The following DNAAF11 variants were observed in gnomAD, a reference collection of about 807,000 sequenced individuals.
DNAAF11 encodes leucine rich repeat containing 6.
DNAAF11 carries 45 observed loss-of-function variants against 60.8 expected under a neutral mutation model. The observed-to-expected ratio is 0.74, with a 90% CI of 0.58 to 0.95. The LOEUF is 0.95. Among genes scored for constraint, DNAAF11 ranks in the 40% least tolerant of loss-of-function variants. The probability of loss-of-function intolerance (pLI) is 0.00; values close to 1 mark genes in which losing one functional copy is unlikely to be tolerated. For synonymous variants in DNAAF11, 191 were observed against 183.5 expected (o/e 1.04, Z -0.33); for missense variants, 546 against 546.2 (o/e 1.00, Z 0.00).
intron 1 of DNAAF11, among the ~76,000 whole-genome samples, chr8:132,670,853 A>T (rs1451985379): frequency 1.3e-5 from 2 of 152,248 alleles, no homozygotes; most frequent in Non-Finnish European, 2.9e-5. Flanking sequence ...TAACAAAGTG[A>T]TAATGTCAGT....
chr8:132,607,852 T>A (rs562067944), intron 10 of DNAAF11, among the ~76,000 whole-genome samples: 3 of 152,218 alleles, frequency 2.0e-5, no homozygotes, highest in Admixed American at 6.5e-5. Flanking sequence ...AGTTTCTTCA[T>A]CAACTTGTCT....
At chr8:132,652,706 C>CCA (rs1367337536) in intron 3 of DNAAF11, among the ~76,000 whole-genome samples, 9 of 152,224 alleles carry the variant, frequency 5.9e-5, no homozygotes, top group Admixed American at 3.9e-4. Flanking sequence ...AAACCAAACA[C>CCA]CACACGTTCT....
rs1445369972 is a variant in DNAAF11, at chr8:132,674,184, GAGGAGGAGGAGA to G, written c.10+1288_10+1299del. On this transcript the variant is annotated intron_variant, in intron 1 of 11. Coordinates refer to ENST00000620350, the MANE Select transcript of DNAAF11 (RefSeq NM_012472.6). ...GAAGGAGAAGGAGGAGGAGGAGAAG[GAGGAGGAGGAGA>G]AGGAGGAGGAGAAGGAGGAGGAGGA... 8.3e-3 allele frequency among the ~76,000 whole-genome samples: 1,216 copies of G among 146,730 alleles called. 74 individuals carry two copies. The highest frequency in any genetic ancestry group is 0.03 in the African/African-American group (1,129 of 38,182).
intron 8 of DNAAF11, among the ~76,000 whole-genome samples, chr8:132,613,345 G>C (rs1037761671): frequency 2.6e-5 from 4 of 152,198 alleles, no homozygotes; most frequent in African/African-American, 9.7e-5. Flanking sequence ...ATAGTATTTG[G>C]CCATAAAAAG....
intron 1 of DNAAF11, among the ~76,000 whole-genome samples, chr8:132,670,383 G>A (rs568797275): frequency 1.8e-3 from 276 of 152,172 alleles, no homozygotes; most frequent in African/African-American, 6.5e-3. Flanking sequence ...TCAATTAAAC[G>A]GGTGAATCCC....
At chr8:132,650,800 T>C (rs772713009) in intron 3 of DNAAF11, among the ~76,000 whole-genome samples, 6 of 152,190 alleles carry the variant, frequency 3.9e-5, no homozygotes, top group Admixed American at 2.6e-4. Flanking sequence ...TTTAATTACA[T>C]TTTTCTTTCA....
rs1820953351 is a variant in DNAAF11, at chr8:132,632,949, TTTACCATCCAA to T, written c.433_443del (p.Leu145ArgfsTer9). 6.2e-7 allele frequency: 1 copy of T among 1,611,508 alleles called. No homozygotes were observed. The highest frequency in any genetic ancestry group is 8.5e-7 in the Non-Finnish European group (1 of 1,178,222). ...TAATCCTTTCTGAAGGCTCTATTTCTTTACCATCCAACCACTTAAAGAAAAACAATAAATAT... is the reference window on the plus strand; with the variant it reads ...TAATCCTTTCTGAAGGCTCTATTTCTCCACTTAAAGAAAAACAATAAATAT... On this transcript the variant is annotated frameshift_variant, in exon 5 of 12. Transcript: ENST00000620350. LOFTEE classifies it high-confidence loss of function.
chr8:132,655,459 C>G (rs530076195), intron 3 of DNAAF11, among the ~76,000 whole-genome samples: 1 of 152,030 alleles, frequency 6.6e-6, no homozygotes, highest in Non-Finnish European at 1.5e-5. Context: ...AACAAACAAA[C>G]AAACTATAGA....
the DNAAF11 span, among the ~76,000 whole-genome samples, chr8:132,694,019 A>T: frequency 6.6e-6 from 1 of 152,206 alleles, no homozygotes; most frequent in African/African-American, 2.4e-5. Flanking sequence ...CACTGTGGCT[A>T]CTATGTTGAC....
intron 3 of DNAAF11, among the ~76,000 whole-genome samples, chr8:132,644,633 C>T (rs539376462): frequency 2.6e-4 from 39 of 152,320 alleles, no homozygotes; most frequent in African/African-American, 9.1e-4. Flanking sequence ...CACTCCCACC[C>T]TAATACTGTG....
chr8:132,642,094 G>T (rs1448774056), intron 3 of DNAAF11, among the ~76,000 whole-genome samples: 5 of 152,138 alleles, frequency 3.3e-5, no homozygotes, highest in African/African-American at 1.2e-4. Context: ...ATTTTTTAAA[G>T]TATATAAATA....
Position 132,611,301 on chromosome 8 carries a change from T to C in DNAAF11, c.1037A>G (p.Lys346Arg), listed in dbSNP as rs200879838. 5.0e-6 allele frequency: 8 copies of C among 1,610,938 alleles called. No homozygotes were observed. The East Asian group carries it at 1.8e-4, about 36-fold the overall frequency. Residue 346 changes from lysine (K) to arginine (R), a missense_variant, in exon 9 of 12, where the codon AAA (lysine) becomes AGA (arginine). Coordinates refer to ENST00000620350, the MANE Select transcript of DNAAF11 (RefSeq NM_012472.6). The part of the protein sequence containing the change: ...VQPTYVRVMI[K>R]GKPFQLVLPA... ...CTACAGGGTTCTACTTACCTTTCCT[T>C]TGATCATTACTCGCACGTAAGTTGG...
At chr8:132,668,456 T>C (rs1563716793) in intron 1 of DNAAF11, among the ~76,000 whole-genome samples, 1 of 151,952 alleles carries the variant, frequency 6.6e-6, no homozygotes, top group Non-Finnish European at 1.5e-5. Flanking sequence ...GCTGAATCTT[T>C]TTTTTTTTCT....
intron 7 of DNAAF11, among the ~76,000 whole-genome samples, chr8:132,618,033 C>T (rs1285411766): frequency 6.7e-6 from 1 of 150,028 alleles, no homozygotes; most frequent in Non-Finnish European, 1.5e-5. Flanking sequence ...ATCACACTAC[C>T]TGACTTCAAA....
At chr8:132,580,834 A>T (rs1350713280) in intron 11 of DNAAF11, among the ~76,000 whole-genome samples, 1 of 152,216 alleles carries the variant, frequency 6.6e-6, no homozygotes, top group Non-Finnish European at 1.5e-5. Flanking sequence ...GTGAGTAAAA[A>T]TTGCTTGGTT....
chr8:132,701,475 C>T, the DNAAF11 span, among the ~76,000 whole-genome samples: 1 of 152,134 alleles, frequency 6.6e-6, no homozygotes, highest in Non-Finnish European at 1.5e-5. Context: ...TTTCTGTCTG[C>T]CTTTCTGTTA....
At chr8:132,693,255 C>T in the DNAAF11 span, among the ~76,000 whole-genome samples, 1 of 152,150 alleles carries the variant, frequency 6.6e-6, no homozygotes, top group African/African-American at 2.4e-5. Context: ...CACACAGGAA[C>T]AAAAGACAAC....
the DNAAF11 span, among the ~76,000 whole-genome samples, chr8:132,702,634 T>C: frequency 1.3e-5 from 2 of 152,206 alleles, no homozygotes; most frequent in African/African-American, 2.4e-5. Flanking sequence ...GCTTATGATC[T>C]AGCACTGTTT....
intron 3 of DNAAF11, among the ~76,000 whole-genome samples, chr8:132,643,016 G>A (rs187132752): frequency 2.0e-5 from 3 of 152,270 alleles, no homozygotes; most frequent in East Asian, 3.9e-4. Context: ...GTTCTCATAC[G>A]AGCACGCAAC....
Sources: gnomAD v4.1 joint callset for allele counts (sites outside exome capture counted in the v4.1 genomes callset) on GRCh38, gnomAD v4.1.1 for gene constraint, MANE v1.5 for transcripts, NCBI Gene and HGNC (gene_info 2026-07-23, HGNC 2026-07-21) for gene names.